Variants in CNTN3 observed in about 807,000 individuals in gnomAD.
The protein encoded by CNTN3 is contactin-3.
A neutral mutation model predicts 119.1 loss-of-function variants in CNTN3; 60 were observed. That is an observed-to-expected ratio of 0.50 (90% CI 0.41 to 0.62). The LOEUF is 0.62. Ranked by LOEUF, CNTN3 falls within the 20% of genes least tolerant of loss-of-function variation. CNTN3 has a pLI of 0.00. For synonymous variants in CNTN3, 450 were observed against 438.7 expected, an observed-to-expected ratio of 1.03 and a Z score of -0.32; for missense variants, 1,101 against 1,242.4, an observed-to-expected ratio of 0.89 and a Z score of 1.71.
chr3:74,476,650 A>C (rs901645877), intron 4 of CNTN3, among the ~76,000 whole-genome samples: 1 of 152,198 alleles, frequency 6.6e-6, no homozygotes, highest in Admixed American at 6.6e-5. Context: ...AATACTTTAG[A>C]GTTAAACAAA....
chr3:74,411,910 G>A (rs1005054019), intron 5 of CNTN3, among the ~76,000 whole-genome samples: 4 of 152,164 alleles, frequency 2.6e-5, no homozygotes, highest in African/African-American at 9.6e-5. Flanking sequence ...AACAGGAGTG[G>A]GCTGCAAAAC....
intron 19 of CNTN3, 51 bp downstream of exon 19, chr3:74,295,070 A>C: frequency 8.0e-7 from 1 of 1,254,692 alleles, no homozygotes; most frequent in Non-Finnish European, 1.1e-6. Context: ...ATTCAAGGAG[A>C]CAAAGTGGCA....
At chr3:74,321,263 C>A (rs938241156) in intron 13 of CNTN3, among the ~76,000 whole-genome samples, 27 of 152,024 alleles carry the variant, frequency 1.8e-4, no homozygotes, top group African/African-American at 6.0e-4. Context: ...TGTGTGCCCA[C>A]TGATCCTAAA....
intron 4 of CNTN3, among the ~76,000 whole-genome samples, chr3:74,486,223 C>T (rs1289193840): frequency 6.7e-6 from 1 of 148,798 alleles, no homozygotes; most frequent in Non-Finnish European, 1.5e-5. Flanking sequence ...CACACACACA[C>T]CCCTACATGC....
chr3:74,370,478 G>A (rs1704307522), intron 6 of CNTN3, among the ~76,000 whole-genome samples: 1 of 152,024 alleles, frequency 6.6e-6, no homozygotes, highest in South Asian at 2.1e-4. Context: ...AATTATGGCA[G>A]GGAATTTACT....
At chr3:74,271,810 C>T (rs1041871347) in intron 20 of CNTN3, among the ~76,000 whole-genome samples, 1 of 152,156 alleles carries the variant, frequency 6.6e-6, no homozygotes, top group East Asian at 1.9e-4. Flanking sequence ...TTATGCACCC[C>T]CCCAATAGTA....
At position 74,521,126 on chromosome 3, in the gene CNTN3, A is replaced by G; in HGVS notation, c.-14T>C. On this transcript the variant is annotated 5_prime_UTR_variant, in exon 2 of 23. Transcript: ENST00000263665. ...TGGAAACATCATCTTTAATTGCCAA[A>G]TGCAAGAGTAACTCTTGTCCAGTCT... is the stretch of plus-strand genomic sequence containing the variant. 17 of 1,575,030 alleles carry G rather than the reference A, an allele frequency of 1.1e-5. No homozygotes were observed. Among genetic ancestry groups the G allele is most frequent in the Non-Finnish European group, 1.5e-5 (17 of 1,151,030 alleles).
At chr3:74,450,234 C>T (rs576897853) in intron 4 of CNTN3, among the ~76,000 whole-genome samples, 164 of 151,730 alleles carry the variant, frequency 1.1e-3, no homozygotes, top group Non-Finnish European at 1.9e-3. Flanking sequence ...TATATAAAGT[C>T]GAAACAAAAC....
rs774704956 is a variant in CNTN3, at chr3:74,486,440, G to A, written c.358+16C>T. The A allele has an allele frequency of 1.3e-5, 21 of 1,573,908 alleles. No individual in the cohort carries two copies. Among genetic ancestry groups the A allele is most frequent in the Non-Finnish European group, 1.7e-5 (20 of 1,168,250 alleles). ...TTCTAATGTTGGATTTGCTAGACAT[G>A]TGAACATAAACTTACAGGCAAACTG... On this transcript the variant is annotated intron_variant, in intron 4 of 22. Coordinates refer to ENST00000263665, the MANE Select transcript of CNTN3 (RefSeq NM_020872.3).
At chr3:74,359,741 T>C (rs1010126317) in intron 11 of CNTN3, among the ~76,000 whole-genome samples, 1 of 152,170 alleles carries the variant, frequency 6.6e-6, no homozygotes, top group Non-Finnish European at 1.5e-5. Flanking sequence ...ACCTACTATA[T>C]TTGCTACTAT....
intron 4 of CNTN3, among the ~76,000 whole-genome samples, chr3:74,440,263 T>C (rs1245223551): frequency 6.6e-6 from 1 of 152,168 alleles, no homozygotes; most frequent in East Asian, 1.9e-4. Context: ...AAACACTGCT[T>C]CGCACATATT....
chr3:74,483,552 G>A (rs573330470), intron 4 of CNTN3, among the ~76,000 whole-genome samples: 28 of 152,144 alleles, frequency 1.8e-4, no homozygotes, highest in African/African-American at 6.0e-4. Context: ...CTCCCTCTGG[G>A]ACAAGGACCA....
At chr3:74,289,356 A>G (rs1163282851) in intron 19 of CNTN3, among the ~76,000 whole-genome samples, 1 of 151,962 alleles carries the variant, frequency 6.6e-6, no homozygotes, top group Non-Finnish European at 1.5e-5. Flanking sequence ...TCTATTTGCT[A>G]CTCTTTACAC....
chr3:74,298,893 A>G (rs1702397123), intron 17 of CNTN3, among the ~76,000 whole-genome samples: 2 of 73,484 alleles, frequency 2.7e-5, no homozygotes, highest in East Asian at 5.0e-3. Flanking sequence ...ATCAAGGAAA[A>G]AAAAAAAAAA....
intron 13 of CNTN3, among the ~76,000 whole-genome samples, chr3:74,315,818 G>C (rs1702818882): frequency 6.6e-6 from 1 of 152,158 alleles, no homozygotes; most frequent in African/African-American, 2.4e-5. Flanking sequence ...AGTCACGACG[G>C]ATTAAAGACT....
chr3:74,506,359 T>C (rs1463110570), intron 2 of CNTN3, among the ~76,000 whole-genome samples: 1 of 152,128 alleles, frequency 6.6e-6, no homozygotes, highest in African/African-American at 2.4e-5. Flanking sequence ...AATGGCTATA[T>C]TTTTGCTTGT....
intron 4 of CNTN3, among the ~76,000 whole-genome samples, chr3:74,484,066 C>T (rs1032997147): frequency 2.6e-5 from 4 of 151,978 alleles, no homozygotes; most frequent in Non-Finnish European, 5.9e-5. Context: ...AGTAGAAAAA[C>T]ATCACTAGAG....
chr3:74,417,368 G>C (rs985448944), intron 5 of CNTN3, among the ~76,000 whole-genome samples: 1 of 152,130 alleles, frequency 6.6e-6, no homozygotes, highest in Admixed American at 6.6e-5. Flanking sequence ...TCAACTTCAA[G>C]AGCAATACGC....
At chr3:74,338,589 T>C (rs990622433) in intron 11 of CNTN3, among the ~76,000 whole-genome samples, 3 of 152,096 alleles carry the variant, frequency 2.0e-5, no homozygotes, top group African/African-American at 7.2e-5. Flanking sequence ...TCACTTTATA[T>C]ATGTATTACT....
Sources: allele counts gnomAD v4.1 joint callset (sites outside exome capture counted in the v4.1 genomes callset), GRCh38; gene constraint gnomAD v4.1.1; transcripts MANE v1.5; gene names NCBI Gene and HGNC (gene_info 2026-07-23, HGNC 2026-07-21).